Variants in SLCO3A1 observed in about 807,000 individuals in gnomAD.
SLCO3A1 encodes solute carrier organic anion transporter family member 3A1, also known as PGE1 transporter.
In SLCO3A1, 27 loss-of-function variants were observed where a neutral mutation model predicts 63.1. That is an observed-to-expected ratio of 0.43 (90% CI 0.32 to 0.59). The LOEUF is 0.59. SLCO3A1 is among the 20% of genes least tolerant of loss of function. SLCO3A1 has a pLI of 0.09. For synonymous variants in SLCO3A1, 473 were observed against 409.9 expected (o/e 1.15, Z -1.86); for missense variants, 773 against 945.8 (o/e 0.82, Z 2.40).
intron 2 of SLCO3A1, among the ~76,000 whole-genome samples, chr15:91,969,411 T>G (rs528005042): frequency 4.1e-4 from 62 of 152,186 alleles, no homozygotes; most frequent in African/African-American, 1.5e-3. Context: ...GTTCAAGTGA[T>G]TCTCCTGCCT....
intron 2 of SLCO3A1, among the ~76,000 whole-genome samples, chr15:92,001,605 C>G (rs1464303794): frequency 6.6e-6 from 1 of 152,120 alleles, no homozygotes; most frequent in Admixed American, 6.5e-5. Flanking sequence ...TGCCCCCCCA[C>G]CCAGGGAGAT....
In SLCO3A1 at chr15:91,912,985, A is replaced by G. The variant is rs1053761873; in HGVS notation, c.181-3008A>G. ...TGGTAAATCATTTATTCCATCATGT[A>G]TGTATGTTTGTTTGTGTTGCGAAGG... On this transcript the variant is annotated intron_variant, in intron 1 of 9. Transcript: ENST00000318445. The surrounding 1 kb of genome is among the most constrained non-coding windows in gnomAD (Gnocchi z 5.0). Among the ~76,000 whole-genome samples the G allele has an allele frequency of 1.3e-5, 2 of 152,248 alleles. No individual in the cohort carries two copies. Among genetic ancestry groups the G allele is most frequent in the Non-Finnish European group, 1.5e-5 (1 of 68,016 alleles).
At chr15:91,936,741 G>A (rs1225096653) in intron 2 of SLCO3A1, among the ~76,000 whole-genome samples, 2 of 152,136 alleles carry the variant, frequency 1.3e-5, no homozygotes, top group African/African-American at 2.4e-5. Context: ...CTGAGAGGTG[G>A]CCAAGGGTCC....
intron 2 of SLCO3A1, among the ~76,000 whole-genome samples, chr15:91,926,602 C>CGCAT (rs1555450196): frequency 2.9e-5 from 1 of 34,880 alleles, no homozygotes; most frequent in Non-Finnish European, 5.3e-5. Context: ...TGTGTGCGCG[C>CGCAT]GCGCACGCCC....
At chr15:91,911,346 G>T (rs750323571) in intron 1 of SLCO3A1, among the ~76,000 whole-genome samples, 1 of 152,160 alleles carries the variant, frequency 6.6e-6, no homozygotes, top group Non-Finnish European at 1.5e-5. Flanking sequence ...TCAAAGTGGG[G>T]TCCTCTGATG....
At chr15:91,861,391 T>C (rs1444188507) in intron 1 of SLCO3A1, among the ~76,000 whole-genome samples, 1 of 152,186 alleles carries the variant, frequency 6.6e-6, no homozygotes, top group East Asian at 1.9e-4. Flanking sequence ...TTTGTGGTTT[T>C]GAGTCGAGTG....
At chr15:92,126,356 A>G in intron 6 of SLCO3A1, 97 bp downstream of exon 6, 2 of 954,252 alleles carry the variant, frequency 2.1e-6, no homozygotes, top group East Asian at 4.9e-5. Context: ...GTTCCTAGTG[A>G]CCTGAGGAGA....
intron 5 of SLCO3A1, among the ~76,000 whole-genome samples, chr15:92,122,222 GGGACACGTGAT>G (rs1171904253): frequency 1.3e-5 from 2 of 152,172 alleles, no homozygotes; most frequent in Non-Finnish European, 1.5e-5. Context: ...AGCAGAGGGA[GGGACACGTGAT>G]GGAAGCTACT....
chr15:91,954,776 C>T lies in SLCO3A1; in HGVS notation c.646+38318C>T, dbSNP rs980841991. Among the ~76,000 whole-genome samples, 1 of 152,036 alleles carries T rather than the reference C, an allele frequency of 6.6e-6. No homozygotes were observed. Among genetic ancestry groups the T allele is most frequent in the African/African-American group, 2.4e-5 (1 of 41,402 alleles). The stretch of plus-strand genomic sequence containing the variant: ...ACCCTCTGCTTCCTCCTTCCTTCTC[C>T]AACAGCAAGGATCCGAGGGGAAGGA... On this transcript the variant is annotated intron_variant, in intron 2 of 9. Coordinates refer to ENST00000318445, the MANE Select transcript of SLCO3A1 (RefSeq NM_013272.4). The surrounding 1 kb of genome is among the most constrained non-coding windows in gnomAD (Gnocchi z 4.7).
At chr15:91,984,152 T>C (rs2046021595) in intron 2 of SLCO3A1, among the ~76,000 whole-genome samples, 1 of 152,212 alleles carries the variant, frequency 6.6e-6, no homozygotes, top group African/African-American at 2.4e-5. Context: ...GTTTAATTGC[T>C]TGTCTGGCCA....
At chr15:91,891,262 G>T (rs746909105) in intron 1 of SLCO3A1, among the ~76,000 whole-genome samples, 4 of 152,138 alleles carry the variant, frequency 2.6e-5, no homozygotes, top group Non-Finnish European at 4.4e-5. Context: ...AGCAGAAAGA[G>T]CCCAGCTGTC....
chr15:92,157,459 ATTATCCTCTAAAAC>A (rs899171137), intron 9 of SLCO3A1, among the ~76,000 whole-genome samples: 2 of 150,858 alleles, frequency 1.3e-5, no homozygotes, highest in Non-Finnish European at 3.0e-5. Context: ...GACACACCTG[ATTATCCTCTAAAAC>A]TTATGATGAT....
intron 1 of SLCO3A1, among the ~76,000 whole-genome samples, chr15:91,913,316 G>A (rs1012181742): frequency 5.3e-5 from 8 of 152,242 alleles, no homozygotes; most frequent in Admixed American, 3.3e-4. Context: ...GGCCAGGGCT[G>A]AAAGAGAGAC....
At position 92,163,078 on chromosome 15, in the gene SLCO3A1, G is replaced by T. The variant is rs1379971897; in HGVS notation, c.2076G>T (p.Lys692Asn). ...PVPANQTHRTKFIYNLEDHEW... is the reference protein window; with the variant it reads ...PVPANQTHRTNFIYNLEDHEW... ...CCGCAAACCAGACACATAGGACAAA[G>T]TTTATCTATAACCTGGAAGACCATG... Residue 692 changes from lysine (K) to asparagine (N), a missense_variant, in exon 10 of 10, where the codon AAG becomes AAT. Physicochemically the swap from Lys to Asn is moderately conservative, Grantham distance 94. Coordinates refer to ENST00000318445, the MANE Select transcript of SLCO3A1 (RefSeq NM_013272.4). 6.4e-7 allele frequency: 1 copy of T among 1,551,158 alleles called. No individual in the cohort carries two copies. The highest frequency in any genetic ancestry group is 1.4e-5 in the African/African-American group (1 of 72,840).
chr15:92,163,153 A>C lies in SLCO3A1; in HGVS notation c.*18A>C, dbSNP rs917942605. 6.7e-7 allele frequency: 1 copy of C among 1,496,258 alleles called. No individual in the cohort carries two copies. Among genetic ancestry groups the C allele is most frequent in the Non-Finnish European group, 8.9e-7 (1 of 1,125,752 alleles). The allele number at this position is 1,496,258 out of a possible 1,614,324, so 92.7% of individuals were successfully genotyped here. A position where few individuals can be genotyped will look rare whatever the true frequency, so the allele number is the denominator to read the frequency against. On this transcript the variant is annotated 3_prime_UTR_variant, in exon 10 of 10. Coordinates refer to ENST00000318445, the MANE Select transcript of SLCO3A1 (RefSeq NM_013272.4). ...TTTTATAGTGACTAAAGGAGGGCTG[A>C]ACTCTGTATTAGTAATCCAAGGGTC...
Position 91,875,955 on chromosome 15 carries a change from T to A in SLCO3A1, c.180+21867T>A, listed in dbSNP as rs1005924401. Reference sequence around the variant, plus strand: ...CTTTACAGAAAAGGTTTGCTACCCCTGCTCTAGAATCTTAAAGAATTCTTA... The same window carrying A: ...CTTTACAGAAAAGGTTTGCTACCCCAGCTCTAGAATCTTAAAGAATTCTTA... On this transcript the variant is annotated intron_variant, in intron 1 of 9. Transcript: ENST00000318445. This position sits in a 1 kb window ranked among gnomAD's most constrained non-coding sequence, Gnocchi z 4.5. 1.3e-5 allele frequency among the ~76,000 whole-genome samples: 2 copies of A among 152,194 alleles called. No homozygotes were observed. Among genetic ancestry groups the A allele is most frequent in the Non-Finnish European group, 2.9e-5 (2 of 68,032 alleles).
At chr15:91,931,976 T>G (rs114899621) in intron 2 of SLCO3A1, among the ~76,000 whole-genome samples, 2,331 of 152,242 alleles carry the variant, frequency 0.015, 72 homozygotes, top group African/African-American at 0.054. Flanking sequence ...GGTGGAAGAT[T>G]AGGTTCAGTA....
intron 1 of SLCO3A1, among the ~76,000 whole-genome samples, chr15:91,871,084 G>A (rs1217271708): frequency 6.6e-6 from 1 of 152,006 alleles, no homozygotes; most frequent in Non-Finnish European, 1.5e-5. Flanking sequence ...ATGCCTTGTG[G>A]TTTTTCATTT....
At chr15:91,957,034 A>ATATATATAC (rs1900228775) in intron 2 of SLCO3A1, among the ~76,000 whole-genome samples, 1 of 1,308 alleles carries the variant, frequency 7.6e-4, no homozygotes, top group Non-Finnish European at 1.1e-3. Flanking sequence ...ATAATATATA[A>ATATATATAC]TATATAGTAT....
Sources: allele counts gnomAD v4.1 joint callset (sites outside exome capture counted in the v4.1 genomes callset), GRCh38; gene constraint gnomAD v4.1.1; non-coding constraint Gnocchi (gnomAD v3.1); transcripts MANE v1.5; gene names NCBI Gene and HGNC (gene_info 2026-07-23, HGNC 2026-07-21).